The following PTBP2 variants were observed in gnomAD, a reference collection of about 807,000 sequenced individuals.
The protein encoded by PTBP2 is polypyrimidine tract-binding protein 2.
Under a neutral mutation model 61.4 loss-of-function variants are expected in PTBP2, and 13 were observed. The ratio of observed to expected loss-of-function variants is 0.21; its 90% CI spans 0.14 to 0.34. The LOEUF is 0.34. PTBP2 is among the 10% of genes least tolerant of loss of function. The pLI, the probability that PTBP2 is intolerant of heterozygous loss-of-function variation, is 1.00. For synonymous variants in PTBP2, 215 were observed against 218.5 expected (o/e 0.98, Z 0.14); for missense variants, 405 against 642.6 (o/e 0.63, Z 4.00).
chr1:96,798,219 A>C (rs887973519), intron 8 of PTBP2, among the ~76,000 whole-genome samples: 3 of 151,988 alleles, frequency 2.0e-5, no homozygotes, highest in African/African-American at 4.8e-5. Flanking sequence ...CAGCCTGGCC[A>C]ACATGGTGAA....
chr1:96,738,108 G>T lies in PTBP2; in HGVS notation c.40-13317G>T, dbSNP rs2100839109. On this transcript the variant is annotated intron_variant, in intron 2 of 13. Coordinates refer to ENST00000674951, the MANE Select transcript of PTBP2 (RefSeq NM_021190.4). The stretch of plus-strand genomic sequence containing the variant: ...AGGCAAGCTATTAGCAGGGTTTCAG[G>T]TAAGACATATGTGTTTGCTATTTGT... Among the ~76,000 whole-genome samples the T allele has an allele frequency of 1.3e-5, 2 of 152,234 alleles. 1 individual carries two copies. The highest frequency in any genetic ancestry group is 4.1e-4 in the South Asian group (2 of 4,828).
At chr1:96,774,115 T>G (rs1400142817) in intron 5 of PTBP2, among the ~76,000 whole-genome samples, 1 of 141,242 alleles carries the variant, frequency 7.1e-6, no homozygotes, top group African/African-American at 2.5e-5. Context: ...CAAGACACAG[T>G]CTCTTAAAAA....
Position 96,750,689 on chromosome 1 carries a change from A to G in PTBP2, c.40-736A>G, listed in dbSNP as rs369133152. Among the ~76,000 whole-genome samples the G allele has an allele frequency of 5.9e-5, 9 of 152,156 alleles. No homozygotes were observed. In the East Asian group the frequency reaches 7.7e-4, roughly 13 times the overall value. On this transcript the variant is annotated intron_variant, in intron 2 of 13. Transcript: ENST00000674951. ...CCAGTATTAATTTAACCTATTTTCA[A>G]TACTAATATCCATGTATGTAAATAT... is the stretch of plus-strand genomic sequence containing the variant.
chr1:96,804,076 C>A (rs1571012221), intron 8 of PTBP2, among the ~76,000 whole-genome samples: 1 of 151,994 alleles, frequency 6.6e-6, no homozygotes, highest in Non-Finnish European at 1.5e-5. Context: ...GAAATTAGAA[C>A]AATAAAATAA....
intron 2 of PTBP2, among the ~76,000 whole-genome samples, chr1:96,742,555 C>CT (rs1312313117): frequency 6.6e-6 from 1 of 151,124 alleles, no homozygotes; most frequent in African/African-American, 2.4e-5. Flanking sequence ...TACTTGTTTT[C>CT]TTTTTTGTTG....
At chr1:96,796,305 AAG>A (rs1553185755) in intron 8 of PTBP2, among the ~76,000 whole-genome samples, 2 of 151,708 alleles carry the variant, frequency 1.3e-5, no homozygotes, top group South Asian at 2.1e-4. Context: ...AAAAAAAAAA[AAG>A]AAGTAGGTGC....
chr1:96,804,878 G>A lies in PTBP2; in HGVS notation c.983G>A (p.Gly328Asp). ...AAAAAAAGRVGMPGVSAGGNT... is the reference protein window; with the variant it reads ...AAAAAAAGRVDMPGVSAGGNT... ...GCTGCAGCTGCTGCTGGCCGAGTGGGTATGCCTGGAGTCTCAGCTGGTGGC... is the reference window on the plus strand; with the variant it reads ...GCTGCAGCTGCTGCTGGCCGAGTGGATATGCCTGGAGTCTCAGCTGGTGGC... The change falls in exon 9 of 14, where the codon GGT (glycine) becomes GAT (aspartate). Residue 328 changes from glycine to aspartate, a missense_variant. Transcript: ENST00000674951. 6.2e-7 allele frequency: 1 copy of A among 1,611,934 alleles called. No individual in the cohort carries two copies. The highest frequency in any genetic ancestry group is 8.5e-7 in the Non-Finnish European group (1 of 1,178,814).
At chr1:96,740,144 A>G (rs933161733) in intron 2 of PTBP2, among the ~76,000 whole-genome samples, 3 of 152,206 alleles carry the variant, frequency 2.0e-5, no homozygotes, top group Admixed American at 6.5e-5. Flanking sequence ...TGTGGTACAC[A>G]AAAGTTCATT....
chr1:96,779,826 T>C (rs1038764850), intron 7 of PTBP2, among the ~76,000 whole-genome samples: 1 of 152,146 alleles, frequency 6.6e-6, no homozygotes, highest in African/African-American at 2.4e-5. Flanking sequence ...ATGTTCATTT[T>C]ACTTGCCTGC....
intron 3 of PTBP2, among the ~76,000 whole-genome samples, chr1:96,756,014 G>A (rs186076732): frequency 3.3e-5 from 5 of 152,306 alleles, no homozygotes; most frequent in East Asian, 3.9e-4. Flanking sequence ...CCAAATGCTG[G>A]CAAGGATGTG....
intron 8 of PTBP2, among the ~76,000 whole-genome samples, chr1:96,791,826 CT>C (rs1163642886): frequency 0.012 from 769 of 66,098 alleles, 4 homozygotes; most frequent in African/African-American, 0.047. Flanking sequence ...TGGAGTTGTG[CT>C]TTTTTTTTTT....
intron 8 of PTBP2, among the ~76,000 whole-genome samples, chr1:96,794,498 A>G (rs1394504767): frequency 2.6e-5 from 4 of 152,242 alleles, no homozygotes; most frequent in Non-Finnish European, 4.4e-5. Context: ...TAGCAGCTCT[A>G]AAAGGCTACC....
intron 5 of PTBP2, 145 bp from the exon 6 acceptor site, chr1:96,777,440 G>T (rs1292740390): frequency 3.7e-6 from 2 of 534,824 alleles, no homozygotes; most frequent in Non-Finnish European, 6.2e-6. Context: ...CTCATGGCAG[G>T]TGCTTAAAAA....
At chr1:96,732,416 A>G (rs924516645) in intron 2 of PTBP2, among the ~76,000 whole-genome samples, 1 of 152,218 alleles carries the variant, frequency 6.6e-6, no homozygotes, top group Admixed American at 6.5e-5. Context: ...GTACTATGTT[A>G]GAAATTGATG....
intron 5 of PTBP2, 68 bp downstream of exon 5, chr1:96,770,919 G>C (rs1462814035): frequency 7.4e-7 from 1 of 1,344,564 alleles, no homozygotes; most frequent in African/African-American, 1.5e-5. Context: ...ACATTAATAG[G>C]AAGGAAATGT....
At chr1:96,756,806 A>G (rs555002611) in intron 3 of PTBP2, among the ~76,000 whole-genome samples, 22 of 152,314 alleles carry the variant, frequency 1.4e-4, no homozygotes, top group African/African-American at 4.6e-4. Flanking sequence ...CTGGTGGAGT[A>G]CAGAGGATTT....
At chr1:96,757,458 C>T (rs1655287566) in intron 3 of PTBP2, among the ~76,000 whole-genome samples, 1 of 152,030 alleles carries the variant, frequency 6.6e-6, no homozygotes, top group South Asian at 2.1e-4. Flanking sequence ...AAAAACATCA[C>T]AGAACTAAGT....
chr1:96,738,293 T>G (rs1360436565), intron 2 of PTBP2, among the ~76,000 whole-genome samples: 3 of 152,106 alleles, frequency 2.0e-5, no homozygotes, highest in African/African-American at 7.2e-5. Context: ...AAGGTGAGTT[T>G]TTTTTGTTTG....
intron 8 of PTBP2, among the ~76,000 whole-genome samples, chr1:96,786,815 C>T (rs1355608911): frequency 6.6e-6 from 1 of 152,090 alleles, no homozygotes; most frequent in African/African-American, 2.4e-5. Context: ...TACCAAGAAA[C>T]TCCAGCTAGT....
Sources: gnomAD v4.1 joint callset for allele counts (sites outside exome capture counted in the v4.1 genomes callset) on GRCh38, gnomAD v4.1.1 for gene constraint, MANE v1.5 for transcripts, NCBI Gene and HGNC (gene_info 2026-07-23, HGNC 2026-07-21) for gene names.